The following TENM1 variants were observed in gnomAD, a reference collection of about 807,000 sequenced individuals.
The protein encoded by TENM1 is teneurin-1.
Under a neutral mutation model 174.8 loss-of-function variants are expected in TENM1, and 35 were observed. That is an observed-to-expected ratio of 0.20 (90% confidence interval 0.15 to 0.27). The LOEUF (loss-of-function observed/expected upper bound fraction) is 0.27. TENM1 is among the 10% of genes least tolerant of loss of function. The pLI, the probability that TENM1 is intolerant of heterozygous loss-of-function variation, is 1.00. For missense variants in TENM1, 1,633 were observed against 2,130.1 expected (o/e 0.77, Z 4.59); for synonymous variants, 781 against 798.7 (o/e 0.98, Z 0.37).
intron 3 of TENM1, among the ~76,000 whole-genome samples, chrX:124,743,187 C>T (rs368124070): frequency 9.0e-6 from 1 of 110,983 alleles, no homozygotes; most frequent in African/African-American, 3.3e-5. Flanking sequence ...TTCTCAACCT[C>T]GTAATTATTA....
At chrX:125,007,575 G>A in the TENM1 span, among the ~76,000 whole-genome samples, 2,520 of 110,638 alleles carry the variant, frequency 0.023, 69 homozygotes, top group African/African-American at 0.077. Context: ...CCCAAGACAC[G>A]TAATCTTCAG....
At chrX:124,469,928 T>A (rs1051390043) in intron 22 of TENM1, among the ~76,000 whole-genome samples, 13 of 111,257 alleles carry the variant, frequency 1.2e-4, no homozygotes, top group African/African-American at 4.2e-4. Context: ...ATTAAAGGAA[T>A]GGAAATTAAA....
At chrX:124,454,994 G>A (rs1416616686) in intron 22 of TENM1, among the ~76,000 whole-genome samples, 4 of 111,883 alleles carry the variant, frequency 3.6e-5, no homozygotes, top group Non-Finnish European at 5.6e-5. Flanking sequence ...GGCAAAATGT[G>A]AACTCATCTA....
At chrX:125,096,966 G>T in the TENM1 span, among the ~76,000 whole-genome samples, 1 of 111,601 alleles carries the variant, frequency 9.0e-6, no homozygotes, top group African/African-American at 3.3e-5. Context: ...TGTTGAAAAG[G>T]TGTCAGAAAT....
intron 3 of TENM1, among the ~76,000 whole-genome samples, chrX:124,738,389 G>T (rs775752518): frequency 8.9e-6 from 1 of 111,797 alleles, no homozygotes; most frequent in South Asian, 3.7e-4. Context: ...TAAAGACATT[G>T]GCATGGTTTT....
At chrX:124,881,308 G>T (rs2057297201) in intron 3 of TENM1, among the ~76,000 whole-genome samples, 1 of 111,668 alleles carries the variant, frequency 9.0e-6, no homozygotes, top group Non-Finnish European at 1.9e-5. Flanking sequence ...TATCCAGTTT[G>T]TTAGTGTATA....
At chrX:125,120,334 C>T in the TENM1 span, among the ~76,000 whole-genome samples, 11 of 110,883 alleles carry the variant, frequency 9.9e-5, 1 homozygote, top group African/African-American at 3.6e-4. Flanking sequence ...TTTTAAGTTC[C>T]AGTGTAAATG....
intron 1 of TENM1, among the ~76,000 whole-genome samples, chrX:124,900,690 CA>C (rs892130505): frequency 9.0e-6 from 1 of 110,906 alleles, no homozygotes; most frequent in African/African-American, 3.3e-5. Flanking sequence ...GTAACACGAA[CA>C]AAAAGGTAGT....
intron 20 of TENM1, among the ~76,000 whole-genome samples, chrX:124,490,039 C>T (rs1480907092): frequency 8.9e-6 from 1 of 111,767 alleles, no homozygotes; most frequent in African/African-American, 3.3e-5. Context: ...CTGTTTTCAG[C>T]TAGCAGTCCC....
intron 3 of TENM1, among the ~76,000 whole-genome samples, chrX:124,799,505 T>C (rs113782293): frequency 2.5e-3 from 280 of 110,403 alleles, no homozygotes; most frequent in African/African-American, 8.4e-3. Context: ...GTTTTGGGGC[T>C]GAGACAATGG....
chrX:124,606,995 G>A lies in TENM1; in HGVS notation c.2077+34796C>T, dbSNP rs796253517. Among the ~76,000 whole-genome samples, 10 of 110,061 alleles carry A rather than the reference G, an allele frequency of 9.1e-5. No homozygotes were observed. The East Asian group carries it at 1.7e-3, about 19-fold the overall frequency. On this transcript the variant is annotated intron_variant, in intron 11 of 31. Coordinates refer to ENST00000422452, the Ensembl canonical transcript of TENM1. ...GGGAGAGGCAGAAGAGAAGGAGGACGAAAAGGAGGAAGATGTGGAGGAGGA... is the reference window on the plus strand; with the variant it reads ...GGGAGAGGCAGAAGAGAAGGAGGACAAAAAGGAGGAAGATGTGGAGGAGGA...
chrX:124,958,496 C>A (rs1308789430), intron 1 of TENM1, among the ~76,000 whole-genome samples: 1 of 111,567 alleles, frequency 9.0e-6, no homozygotes, highest in Admixed American at 9.6e-5. Flanking sequence ...TCACTGGAGG[C>A]TGGCAAGGTT....
chrX:125,055,636 A>AT, the TENM1 span, among the ~76,000 whole-genome samples: 1 of 111,657 alleles, frequency 9.0e-6, no homozygotes, highest in South Asian at 3.8e-4. Context: ...TCATACCCAC[A>AT]TTTTGTCCAT....
chrX:124,986,294 C>A, the TENM1 span, among the ~76,000 whole-genome samples: 1 of 111,275 alleles, frequency 9.0e-6, no homozygotes, highest in Non-Finnish European at 1.9e-5. Flanking sequence ...CAAGTTTTCT[C>A]CTCTTATTAA....
At chrX:124,720,508 A>G (rs181477297) in intron 4 of TENM1, among the ~76,000 whole-genome samples, 1 of 111,599 alleles carries the variant, frequency 9.0e-6, no homozygotes, top group African/African-American at 3.3e-5. Context: ...TGATGTATTA[A>G]GTCTCCCTAA....
chrX:124,830,696 T>A (rs189853461), intron 3 of TENM1, among the ~76,000 whole-genome samples: 41 of 111,928 alleles, frequency 3.7e-4, no homozygotes, highest in Non-Finnish European at 3.8e-4. Flanking sequence ...TAAGTCTGCG[T>A]GTGAACTCAT....
intron 15 of TENM1, among the ~76,000 whole-genome samples, chrX:124,540,645 G>A (rs1179863850): frequency 8.9e-6 from 1 of 111,800 alleles, no homozygotes; most frequent in Non-Finnish European, 1.9e-5. Context: ...AGTAATTATG[G>A]CTGTCACCAG....
intron 3 of TENM1, among the ~76,000 whole-genome samples, chrX:124,808,935 AG>A (rs2055686285): frequency 8.9e-6 from 1 of 112,044 alleles, no homozygotes; most frequent in South Asian, 3.7e-4. Flanking sequence ...TGGAAAAACA[AG>A]AACAAACTAA....
the TENM1 span, among the ~76,000 whole-genome samples, chrX:125,044,437 A>G: frequency 9.2e-6 from 1 of 108,399 alleles, no homozygotes; most frequent in Admixed American, 9.9e-5. Flanking sequence ...AAAATTTTTA[A>G]AAATTAGCCT....
Sources: gnomAD v4.1 joint callset for allele counts (sites outside exome capture counted in the v4.1 genomes callset) on GRCh38, gnomAD v4.1.1 for gene constraint, MANE v1.5 for transcripts, NCBI Gene and HGNC (gene_info 2026-07-23, HGNC 2026-07-21) for gene names.